Variants in ENTREP2 observed in about 807,000 individuals in gnomAD.
The protein encoded by ENTREP2 is protein ENTREP2.
the ENTREP2 span, among the ~76,000 whole-genome samples, chr15:29,150,907 C>T: frequency 6.6e-6 from 1 of 152,014 alleles, no homozygotes; most frequent in Admixed American, 6.6e-5. Context: ...GACAGAGAGA[C>T]AGAAAGAGAC....
chr15:29,273,986 G>A, the ENTREP2 span, among the ~76,000 whole-genome samples: 1 of 152,192 alleles, frequency 6.6e-6, no homozygotes, highest in African/African-American at 2.4e-5. Context: ...GATCATGTGA[G>A]TCAATACTCT....
the ENTREP2 span, among the ~76,000 whole-genome samples, chr15:29,624,179 C>T: frequency 6.6e-6 from 1 of 152,188 alleles, no homozygotes; most frequent in Non-Finnish European, 1.5e-5. Flanking sequence ...AGTCTATATC[C>T]TATGATAGTT....
chr15:29,614,957 C>G, the ENTREP2 span, among the ~76,000 whole-genome samples: 2 of 152,152 alleles, frequency 1.3e-5, no homozygotes, highest in East Asian at 3.9e-4. Flanking sequence ...ATGGGATTTT[C>G]CATTCTAGAA....
At chr15:29,456,991 T>A in the ENTREP2 span, among the ~76,000 whole-genome samples, 1 of 152,206 alleles carries the variant, frequency 6.6e-6, no homozygotes, top group East Asian at 1.9e-4. Flanking sequence ...GCAAACAATG[T>A]GTGTTTTTAG....
chr15:29,597,850 A>G, the ENTREP2 span, among the ~76,000 whole-genome samples: 2 of 151,584 alleles, frequency 1.3e-5, no homozygotes, highest in East Asian at 4.0e-4. Flanking sequence ...GGCTGGGCAC[A>G]GTGGCTCATG....
chr15:29,617,142 C>T, the ENTREP2 span, among the ~76,000 whole-genome samples: 4 of 151,972 alleles, frequency 2.6e-5, no homozygotes, highest in Non-Finnish European at 4.4e-5. Flanking sequence ...CTGGGAAGTC[C>T]CACGGCAGGC....
At chr15:29,270,670 T>G in the ENTREP2 span, among the ~76,000 whole-genome samples, 2 of 152,142 alleles carry the variant, frequency 1.3e-5, no homozygotes, top group Non-Finnish European at 2.9e-5. Context: ...AAGAGAACAC[T>G]GGGGGATTTA....
the ENTREP2 span, among the ~76,000 whole-genome samples, chr15:29,320,555 C>T: frequency 2.0e-5 from 3 of 152,138 alleles, no homozygotes; most frequent in South Asian, 6.2e-4. Context: ...GACTGAGACA[C>T]AGCAGAGAAT....
At chr15:29,388,050 T>C in the ENTREP2 span, among the ~76,000 whole-genome samples, 9,490 of 152,236 alleles carry the variant, frequency 0.062, 392 homozygotes, top group African/African-American at 0.093. Context: ...ATTCAGGACA[T>C]AGGCATCGGC....
the ENTREP2 span, among the ~76,000 whole-genome samples, chr15:29,255,159 CCAGT>C: frequency 6.6e-6 from 1 of 152,144 alleles, no homozygotes; most frequent in East Asian, 1.9e-4. Context: ...AGCCATTTCT[CCAGT>C]AAGTCCAGGT....
the ENTREP2 span, among the ~76,000 whole-genome samples, chr15:29,286,410 T>C: frequency 6.6e-6 from 1 of 152,348 alleles, no homozygotes; most frequent in African/African-American, 2.4e-5. Flanking sequence ...GCATATGTGG[T>C]ACATTTTCCC....
At chr15:29,137,105 G>T in the ENTREP2 span, 4 of 1,467,860 alleles carry the variant, frequency 2.7e-6, no homozygotes, top group African/African-American at 1.5e-5. Context: ...GTGGGGGGAT[G>T]AACTCGTCGA....
At chr15:29,356,310 T>A in the ENTREP2 span, among the ~76,000 whole-genome samples, 2 of 107,156 alleles carry the variant, frequency 1.9e-5, no homozygotes, top group Non-Finnish European at 3.9e-5. Context: ...TTTTTTTTTT[T>A]TTTTTTTTTT....
At chr15:29,594,040 G>A in the ENTREP2 span, among the ~76,000 whole-genome samples, 1 of 152,072 alleles carries the variant, frequency 6.6e-6, no homozygotes, top group Non-Finnish European at 1.5e-5. Flanking sequence ...AGGGTACAGA[G>A]GACCTTCCTG....
chr15:29,265,892 T>G, the ENTREP2 span: 1 of 152,216 alleles, frequency 6.6e-6, no homozygotes, highest in Admixed American at 6.5e-5. Context: ...ATCAAAACTT[T>G]GAACACTTAG....
the ENTREP2 span, among the ~76,000 whole-genome samples, chr15:29,139,488 A>C: frequency 6.6e-6 from 1 of 152,238 alleles, no homozygotes; most frequent in Admixed American, 6.5e-5. Context: ...ATTAGTCTCT[A>C]TCAGAAATTA....
chr15:29,603,494 T>C, the ENTREP2 span, among the ~76,000 whole-genome samples: 4 of 152,130 alleles, frequency 2.6e-5, no homozygotes, highest in Admixed American at 1.3e-4. Context: ...AGATGACTCC[T>C]GAGCAAGGGG....
the ENTREP2 span, among the ~76,000 whole-genome samples, chr15:29,158,692 C>T: frequency 6.7e-6 from 1 of 149,326 alleles, no homozygotes; most frequent in African/African-American, 2.6e-5. Flanking sequence ...CTATAAAATT[C>T]CTTTACAAGG....
the ENTREP2 span, among the ~76,000 whole-genome samples, chr15:29,338,933 G>C: frequency 2.0e-5 from 3 of 152,114 alleles, no homozygotes; most frequent in African/African-American, 7.2e-5. Context: ...GCTGAATGTA[G>C]CAGGGCCCGA....
Sources: gnomAD v4.1 joint callset for allele counts (sites outside exome capture counted in the v4.1 genomes callset) on GRCh38, gnomAD v4.1.1 for gene constraint, MANE v1.5 for transcripts, NCBI Gene and HGNC (gene_info 2026-07-23, HGNC 2026-07-21) for gene names.